MRPS9: variants seen among roughly 807,000 people sequenced by gnomAD.
MRPS9 encodes the protein small ribosomal subunit protein uS9m.
MRPS9 carries 45 observed loss-of-function variants against 59.9 expected under a neutral mutation model. The observed-to-expected ratio is 0.75, with a 90% CI of 0.59 to 0.96. The LOEUF (loss-of-function observed/expected upper bound fraction) is 0.96. Ranked by LOEUF, MRPS9 falls within the 40% of genes least tolerant of loss-of-function variation. The pLI is 0.00. For missense variants in MRPS9, 473 were observed against 481.1 expected (o/e 0.98, Z 0.16); for synonymous variants, 171 against 166.8 (o/e 1.03, Z -0.19).
At chr2:105,080,678 C>T (rs1160292653) in intron 5 of MRPS9, among the ~76,000 whole-genome samples, 3 of 152,014 alleles carry the variant, frequency 2.0e-5, no homozygotes, top group Non-Finnish European at 4.4e-5. Context: ...AGGCTGGATG[C>T]CAATATTCTG....
At chr2:105,091,716 T>C (rs780636252) in intron 7 of MRPS9, among the ~76,000 whole-genome samples, 10 of 152,212 alleles carry the variant, frequency 6.6e-5, no homozygotes, top group Non-Finnish European at 1.2e-4. Flanking sequence ...ATAAACACTT[T>C]AGAGTGATTA....
chr2:105,091,343 T>C (rs1311127188), intron 7 of MRPS9: 2 of 470,924 alleles, frequency 4.2e-6, no homozygotes, highest in Non-Finnish European at 8.8e-6. Flanking sequence ...ATTGAGAGTC[T>C]GTGAGATGCA....
At chr2:105,087,532 C>T (rs528476310) in intron 5 of MRPS9, among the ~76,000 whole-genome samples, 2 of 152,272 alleles carry the variant, frequency 1.3e-5, no homozygotes, top group Admixed American at 1.3e-4. Context: ...TAGCTCACCA[C>T]CAATTTTGTA....
chr2:105,087,579 TTTTTC>T (rs1192887724), intron 5 of MRPS9, among the ~76,000 whole-genome samples: 1 of 152,226 alleles, frequency 6.6e-6, no homozygotes, highest in Non-Finnish European at 1.5e-5. Context: ...CTCTGCTTCT[TTTTTC>T]TTTTCTCTTC....
At chr2:105,064,388 A>G (rs1343799710) in intron 2 of MRPS9, among the ~76,000 whole-genome samples, 2 of 151,990 alleles carry the variant, frequency 1.3e-5, no homozygotes, top group Non-Finnish European at 2.9e-5. Flanking sequence ...AGCAGTGGGT[A>G]CTTCAGGGAG....
At chr2:105,090,457 T>G (rs1197009446) in intron 7 of MRPS9, among the ~76,000 whole-genome samples, 1 of 152,146 alleles carries the variant, frequency 6.6e-6, no homozygotes, top group African/African-American at 2.4e-5. Context: ...GGTTTTTATC[T>G]TGGGATCTGC....
At chr2:105,038,628 T>C (rs1257605894) in intron 1 of MRPS9, 3 of 175,816 alleles carry the variant, frequency 1.7e-5, no homozygotes, top group African/African-American at 7.1e-5. Flanking sequence ...TGGAAGACAA[T>C]GGAGAAAGTC....
chr2:105,058,833 C>T (rs759966061), intron 2 of MRPS9, among the ~76,000 whole-genome samples: 5 of 152,010 alleles, frequency 3.3e-5, no homozygotes, highest in Non-Finnish European at 7.4e-5. Flanking sequence ...GTGCCCACCA[C>T]CATGCTCAGC....
chr2:105,099,045 A>G (rs1212328692), intron 10 of MRPS9, among the ~76,000 whole-genome samples: 11 of 152,250 alleles, frequency 7.2e-5, no homozygotes, highest in Admixed American at 2.6e-4. Flanking sequence ...TTATTCTTCT[A>G]GAAGAAACTG....
At chr2:105,098,139 C>G (rs1680708385) in intron 10 of MRPS9, 1 of 152,074 alleles carries the variant, frequency 6.6e-6, no homozygotes, top group Non-Finnish European at 1.5e-5. Context: ...ACCCTGTTAC[C>G]TGGGCATGAA....
At chr2:105,097,946 C>T (rs889970382) in intron 10 of MRPS9, among the ~76,000 whole-genome samples, 15 of 152,210 alleles carry the variant, frequency 9.9e-5, no homozygotes, top group Non-Finnish European at 2.2e-4. Context: ...ACAATCCTGC[C>T]TTGGCCTCCC....
intron 7 of MRPS9, chr2:105,092,094 G>A (rs1680570001): frequency 4.3e-6 from 1 of 231,484 alleles, no homozygotes; most frequent in South Asian, 1.0e-4. Flanking sequence ...TACACTTGAA[G>A]ATCATCTAAA....
intron 2 of MRPS9, among the ~76,000 whole-genome samples, chr2:105,070,704 G>T (rs576490218): frequency 5.3e-4 from 81 of 152,248 alleles, no homozygotes; most frequent in Non-Finnish European, 8.5e-4. Flanking sequence ...ATGAGCACTG[G>T]TTATTACTGA....
At chr2:105,088,461 A>C (rs1037094532) in intron 5 of MRPS9, among the ~76,000 whole-genome samples, 9 of 152,132 alleles carry the variant, frequency 5.9e-5, no homozygotes, top group African/African-American at 2.2e-4. Flanking sequence ...AAATCAAATA[A>C]AAAATATAAT....
chr2:105,045,082 A>G (rs1235246751), intron 1 of MRPS9, among the ~76,000 whole-genome samples: 1 of 152,162 alleles, frequency 6.6e-6, no homozygotes, highest in Non-Finnish European at 1.5e-5. Context: ...TCAAAATCAT[A>G]CAGAATGCAG....
At chr2:105,092,250 G>C (rs778854080) in intron 7 of MRPS9, 151 bp from the exon 8 acceptor site, 16 of 560,202 alleles carry the variant, frequency 2.9e-5, no homozygotes, top group Non-Finnish European at 4.4e-5. Flanking sequence ...TCTGCATGCT[G>C]TTTTAAAAGC....
chr2:105,084,384 C>T (rs967087517), intron 5 of MRPS9, among the ~76,000 whole-genome samples: 5 of 151,846 alleles, frequency 3.3e-5, no homozygotes, highest in Admixed American at 1.3e-4. Flanking sequence ...AAGCTCCTGG[C>T]GTATTTGGAG....
chr2:105,074,818 G>A (rs551115850), intron 4 of MRPS9, among the ~76,000 whole-genome samples: 22 of 152,270 alleles, frequency 1.4e-4, no homozygotes, highest in African/African-American at 4.6e-4. Context: ...TGGTTAAACC[G>A]GTGGTCCCCA....
intron 2 of MRPS9, among the ~76,000 whole-genome samples, chr2:105,067,263 C>T (rs1680018805): frequency 6.6e-6 from 1 of 152,038 alleles, no homozygotes; most frequent in Non-Finnish European, 1.5e-5. Context: ...TTGTAGCTGA[C>T]TAATTGTTTT....
Sources: allele counts gnomAD v4.1 joint callset (sites outside exome capture counted in the v4.1 genomes callset), GRCh38; gene constraint gnomAD v4.1.1; transcripts MANE v1.5; gene names NCBI Gene and HGNC (gene_info 2026-07-23, HGNC 2026-07-21).